SERPINE3: variants seen among roughly 807,000 people sequenced by gnomAD.
The protein encoded by SERPINE3 is serpin E3.
A neutral mutation model predicts 41.7 loss-of-function variants in SERPINE3; 43 were observed. The observed-to-expected ratio is 1.03, with a 90% CI of 0.81 to 1.33. The LOEUF (loss-of-function observed/expected upper bound fraction) is 1.33, where lower values mean the gene tolerates loss of function less well. Among genes scored for constraint, SERPINE3 ranks in the 40% most tolerant of loss-of-function variants. The pLI is 0.00. For missense variants in SERPINE3, 440 were observed against 491.7 expected, an observed-to-expected ratio of 0.89 and a Z score of 0.99; for synonymous variants, 200 against 192.2, an observed-to-expected ratio of 1.04 and a Z score of -0.34.
At chr13:51,346,421 G>A (rs17194948) in intron 4 of SERPINE3, among the ~76,000 whole-genome samples, 17,611 of 152,214 alleles carry the variant, frequency 0.12, 1,267 homozygotes, top group South Asian at 0.21. Context: ...CCTAGGAAAT[G>A]GCCCCAAACA....
chr13:51,343,926 C>T (rs961106700), intron 3 of SERPINE3, among the ~76,000 whole-genome samples: 3 of 152,218 alleles, frequency 2.0e-5, no homozygotes, highest in Non-Finnish European at 2.9e-5. Context: ...CTCCAACACA[C>T]ATCAACCTTC....
intron 4 of SERPINE3, among the ~76,000 whole-genome samples, chr13:51,346,765 C>T (rs1955350566): frequency 6.6e-6 from 1 of 152,186 alleles, no homozygotes; most frequent in Admixed American, 6.5e-5. Context: ...TATAAAATGA[C>T]CATATCGCTC....
At chr13:51,361,439 C>A in intron 8 of SERPINE3, 75 bp downstream of exon 8, 1 of 920,268 alleles carries the variant, frequency 1.1e-6, no homozygotes, top group Non-Finnish European at 1.7e-6. Flanking sequence ...TGAATCTTCA[C>A]ACTTCTGAAT....
At chr13:51,349,576 C>T (rs1215106455) in intron 6 of SERPINE3, among the ~76,000 whole-genome samples, 2 of 152,182 alleles carry the variant, frequency 1.3e-5, no homozygotes, top group African/African-American at 2.4e-5. Flanking sequence ...CGAGAATTCG[C>T]CACAACCTTT....
chr13:51,356,598 G>C (rs755242037), intron 7 of SERPINE3, among the ~76,000 whole-genome samples: 1 of 151,980 alleles, frequency 6.6e-6, no homozygotes, highest in African/African-American at 2.4e-5. Context: ...AACTCCTAAA[G>C]CTCTCCCTTT....
chr13:51,348,746 G>C, intron 6 of SERPINE3: 1 of 272,796 alleles, frequency 3.7e-6, no homozygotes, highest in South Asian at 9.4e-5. Flanking sequence ...GGAAATGCTC[G>C]TGGTTCCCTT....
At chr13:51,340,502 T>C (rs1295264712) in intron 1 of SERPINE3, among the ~76,000 whole-genome samples, 1 of 152,204 alleles carries the variant, frequency 6.6e-6, no homozygotes, top group Non-Finnish European at 1.5e-5. Context: ...AGACCAGGAT[T>C]TGAGTCACAG....
chr13:51,348,657 A>G, intron 6 of SERPINE3: 1 of 485,408 alleles, frequency 2.1e-6, no homozygotes, highest in East Asian at 3.4e-5. Flanking sequence ...CCAAGACAAG[A>G]TATTCTGCCT....
At chr13:51,361,536 G>A in intron 8 of SERPINE3, 172 bp downstream of exon 8, 2 of 592,920 alleles carry the variant, frequency 3.4e-6, no homozygotes. Context: ...AAAAATGACG[G>A]GGAAGAAGAG....
rs373180651 is a variant in SERPINE3 at position 51,341,365 on chromosome 13, G to A, written c.256+18G>A. ...TGTCCATGGTAAGAGGCCTGCCCAC[G>A]TGCACACTCACTTACCCTCCTGTTC... On this transcript the variant is annotated intron_variant, in intron 3 of 9. Transcript: ENST00000681248. The A allele has an allele frequency of 6.4e-4, 1,005 of 1,565,630 alleles. 3 individuals carry two copies. Among genetic ancestry groups the A allele is most frequent in the South Asian group, 7.6e-4 (65 of 85,566 alleles).
intron 9 of SERPINE3, chr13:51,363,954 T>TAC (rs1955634227): frequency 4.4e-6 from 1 of 225,766 alleles, no homozygotes; most frequent in East Asian, 8.8e-5. Flanking sequence ...CTGAATCTCT[T>TAC]TCCTAGATAC....
rs915285345 is a variant in SERPINE3, at chr13:51,341,202, C to T, written c.111C>T (p.Leu37=). ...TLLKTEFALH[L]YQSVAACRNE... is the part of the protein sequence containing the mutation. ...TGAAGACTGAGTTTGCACTTCACCT[C>T]TACCAGAGTGTGGCCGCGTGTAGAA... The change falls in exon 3 of 10, where the codon CTC becomes CTT. Residue 37 remains leucine (L), a synonymous_variant. Transcript: ENST00000681248. 1.9e-6 allele frequency: 3 copies of T among 1,613,948 alleles called. No homozygotes were observed. The African/African-American group carries it at 4.0e-5, about 22-fold the overall frequency.
At chr13:51,360,088 C>T (rs1014174097) in intron 7 of SERPINE3, among the ~76,000 whole-genome samples, 21 of 152,072 alleles carry the variant, frequency 1.4e-4, no homozygotes, top group African/African-American at 4.3e-4. Flanking sequence ...TGGAATGCCG[C>T]ATATTCTTTA....
intron 3 of SERPINE3, among the ~76,000 whole-genome samples, chr13:51,343,438 T>C (rs1218304302): frequency 3.3e-5 from 5 of 152,172 alleles, no homozygotes; most frequent in African/African-American, 1.2e-4. Flanking sequence ...AAGCTGCAGC[T>C]TGTGAATAAT....
intron 6 of SERPINE3, among the ~76,000 whole-genome samples, chr13:51,349,432 C>T (rs1204005045): frequency 6.6e-6 from 1 of 152,196 alleles, no homozygotes; most frequent in Non-Finnish European, 1.5e-5. Flanking sequence ...AACCCAAATA[C>T]TGGATATTTC....
chr13:51,364,516 T>C lies in SERPINE3; in HGVS notation c.*234T>C. On this transcript the variant is annotated 3_prime_UTR_variant, in exon 10 of 10. Coordinates refer to ENST00000681248, the MANE Select transcript of SERPINE3 (RefSeq NM_001386375.1). ...TTCTACTGCTTACCCCCCAAACCACTAAAAGGCACAGCAGTGATCATGAAT... is the reference window on the plus strand; with the variant it reads ...TTCTACTGCTTACCCCCCAAACCACCAAAAGGCACAGCAGTGATCATGAAT... 1 of 421,186 alleles carries C rather than the reference T, an allele frequency of 2.4e-6. No homozygotes were observed. Among genetic ancestry groups the C allele is most frequent in the Non-Finnish European group, 4.2e-6 (1 of 237,216 alleles). The allele number at this position is 421,186 out of a possible 1,614,324, so 26.1% of individuals were successfully genotyped here. A position where few individuals can be genotyped will look rare whatever the true frequency, so the allele number is the denominator to read the frequency against.
rs1486672904 is a variant in SERPINE3 at position 51,341,195 on chromosome 13, T to C, written c.104T>C (p.Leu35Pro). The change falls in exon 3 of 10, where the codon CTT becomes CCT. Residue 35 changes from leucine to proline, a missense_variant. Leu to Pro is a moderately conservative substitution (Grantham distance 98, BLOSUM62 -3). Transcript: ENST00000681248. ...ACATTGCTGAAGACTGAGTTTGCACTTCACCTCTACCAGAGTGTGGCCGCG... is the reference window on the plus strand; with the variant it reads ...ACATTGCTGAAGACTGAGTTTGCACCTCACCTCTACCAGAGTGTGGCCGCG... ...GMTLLKTEFA[L>P]HLYQSVAACR... is the part of the protein sequence containing the mutation. The C allele has an allele frequency of 6.2e-7, 1 of 1,613,942 alleles. No individual in the cohort carries two copies. Among genetic ancestry groups the C allele is most frequent in the Non-Finnish European group, 8.5e-7 (1 of 1,179,912 alleles).
intron 6 of SERPINE3, 25 bp from the exon 7 acceptor site, chr13:51,355,018 T>C (rs373735853): frequency 7.5e-5 from 90 of 1,192,860 alleles, no homozygotes; most frequent in Admixed American, 1.6e-4. Flanking sequence ...ATTTTGAAAG[T>C]TGATGGTTTG....
chr13:51,347,966 C>G (rs77370085), intron 5 of SERPINE3, among the ~76,000 whole-genome samples: 1 of 151,256 alleles, frequency 6.6e-6, no homozygotes, highest in Admixed American at 6.6e-5. Flanking sequence ...TCCCCCCCCC[C>G]ATACCCAGTC....
Sources: gnomAD v4.1 joint callset for allele counts (sites outside exome capture counted in the v4.1 genomes callset) on GRCh38, gnomAD v4.1.1 for gene constraint, MANE v1.5 for transcripts, NCBI Gene and HGNC (gene_info 2026-07-23, HGNC 2026-07-21) for gene names.